The following SAMSN1 variants were observed in gnomAD, a reference collection of about 807,000 sequenced individuals.
The protein encoded by SAMSN1 is SAM domain-containing protein SAMSN-1.
Under a neutral mutation model 42.0 loss-of-function variants are expected in SAMSN1, and 31 were observed. The ratio of observed to expected loss-of-function variants is 0.74; its 90% CI spans 0.55 to 1.00. SAMSN1 has a LOEUF of 1.00. SAMSN1 is among the 50% of genes least tolerant of loss of function. SAMSN1 has a pLI of 0.00. For missense variants in SAMSN1, 464 were observed against 439.4 expected (o/e 1.06, Z -0.50); for synonymous variants, 178 against 151.9 (o/e 1.17, Z -1.26).
At chr21:14,539,799 A>G (rs890646109) in intron 1 of SAMSN1, among the ~76,000 whole-genome samples, 4 of 152,202 alleles carry the variant, frequency 2.6e-5, no homozygotes, top group Admixed American at 2.0e-4. Context: ...ACTACTTTGA[A>G]GTTCATATGC....
At chr21:14,598,901 A>G (rs457188) in intron 6 of SAMSN1, among the ~76,000 whole-genome samples, 88,795 of 152,086 alleles carry the variant, frequency 0.58, 28,360 homozygotes, top group African/African-American at 0.86. Context: ...GATACTATTC[A>G]TTATTTTAAC....
chr21:14,559,016 T>C (rs553820889), intron 2 of SAMSN1, among the ~76,000 whole-genome samples: 55 of 152,234 alleles, frequency 3.6e-4, no homozygotes, highest in South Asian at 1.9e-3. Flanking sequence ...TCCTCACCCA[T>C]TGAAAGAAAT....
chr21:14,630,208 A>G (rs1333114991), intron 2 of SAMSN1, among the ~76,000 whole-genome samples: 1 of 152,180 alleles, frequency 6.6e-6, no homozygotes, highest in African/African-American at 2.4e-5. Flanking sequence ...GAACCCACCC[A>G]CAGCTCAATC....
rs369497412 is a variant in SAMSN1 at position 14,606,336 on chromosome 21, A to G, written c.322+3146T>C. Among the ~76,000 whole-genome samples the G allele has an allele frequency of 7.6e-4, 116 of 152,070 alleles. 1 individual carries two copies. The South Asian group carries it at 8.3e-3, about 11-fold the overall frequency. Reference sequence around the variant, plus strand: ...TTGAAAAATTTCTGAATCTCCAAATATGTTTTGTTTCCTTTTTATTATTTT... The same window carrying G: ...TTGAAAAATTTCTGAATCTCCAAATGTGTTTTGTTTCCTTTTTATTATTTT... On this transcript the variant is annotated intron_variant, in intron 5 of 15. Transcript: ENST00000647101.
At chr21:14,560,823 C>T (rs566234627) in intron 2 of SAMSN1, among the ~76,000 whole-genome samples, 7 of 152,302 alleles carry the variant, frequency 4.6e-5, no homozygotes, top group South Asian at 2.1e-4. Context: ...TTCAGCTCTA[C>T]GCTATTGAGC....
chr21:14,613,452 T>G (rs1250819662), intron 3 of SAMSN1, among the ~76,000 whole-genome samples: 1 of 152,206 alleles, frequency 6.6e-6, no homozygotes, highest in Non-Finnish European at 1.5e-5. Flanking sequence ...TTCATGTGTG[T>G]GGGTGAACAC....
intron 2 of SAMSN1, among the ~76,000 whole-genome samples, chr21:14,636,359 T>G (rs1568839171): frequency 6.6e-6 from 1 of 152,088 alleles, no homozygotes; most frequent in Non-Finnish European, 1.5e-5. Flanking sequence ...CTCTCACTCT[T>G]GTGTACACGT....
intron 6 of SAMSN1, among the ~76,000 whole-genome samples, chr21:14,598,487 G>C (rs1982335527): frequency 1.3e-5 from 2 of 152,150 alleles, no homozygotes; most frequent in South Asian, 4.1e-4. Context: ...ACATTTCTAA[G>C]CAGACTGCTT....
At chr21:14,553,855 G>A (rs180775767) in intron 2 of SAMSN1, among the ~76,000 whole-genome samples, 15 of 151,748 alleles carry the variant, frequency 9.9e-5, no homozygotes, top group African/African-American at 3.6e-4. Context: ...CGAATCTTTG[G>A]TATATCCTAA....
intron 2 of SAMSN1, among the ~76,000 whole-genome samples, chr21:14,624,602 CAA>C (rs763469357): frequency 2.3e-4 from 35 of 152,186 alleles, no homozygotes; most frequent in Admixed American, 1.1e-3. Flanking sequence ...CTGAATAGAC[CAA>C]TCACAGGCTC....
chr21:14,546,764 C>A (rs1177548242), upstream of SAMSN1, among the ~76,000 whole-genome samples: 1 of 151,880 alleles, frequency 6.6e-6, no homozygotes, highest in Non-Finnish European at 1.5e-5. Flanking sequence ...GGCTAGAGTG[C>A]AGTGGCATGA....
intron 2 of SAMSN1, among the ~76,000 whole-genome samples, chr21:14,577,294 T>TTTTTTA (rs1981537809): frequency 8.4e-6 from 1 of 119,744 alleles, no homozygotes. Flanking sequence ...ATTTTTTTTT[T>TTTTTTA]AGAAGAGACA....
At chr21:14,524,059 T>C (rs1249121790) in intron 1 of SAMSN1, among the ~76,000 whole-genome samples, 1 of 152,198 alleles carries the variant, frequency 6.6e-6, no homozygotes. Flanking sequence ...CATTATTCTC[T>C]AGTTTAAAAG....
At chr21:14,490,874 T>C (rs560897205) in intron 7 of SAMSN1, among the ~76,000 whole-genome samples, 43 of 152,276 alleles carry the variant, frequency 2.8e-4, no homozygotes, top group African/African-American at 9.9e-4. Context: ...CCACTTCCAC[T>C]GTGCTAGGAA....
At chr21:14,549,935 A>AAT (rs1271698364), upstream of SAMSN1, among the ~76,000 whole-genome samples, 3 of 152,066 alleles carry the variant, frequency 2.0e-5, no homozygotes, top group East Asian at 5.8e-4. Flanking sequence ...TATCAAAAAA[A>AAT]AAAACTCTTT....
intron 7 of SAMSN1, among the ~76,000 whole-genome samples, chr21:14,497,035 C>T (rs571718214): frequency 1.3e-5 from 2 of 152,268 alleles, no homozygotes; most frequent in East Asian, 3.9e-4. Context: ...TTCCTCCCTC[C>T]TCACTCTCCA....
chr21:14,525,667 T>C (rs1600895072), intron 1 of SAMSN1, among the ~76,000 whole-genome samples: 1 of 152,154 alleles, frequency 6.6e-6, no homozygotes, highest in African/African-American at 2.4e-5. Context: ...GCAGCAAATG[T>C]GCGGCTATGA....
Position 14,624,807 on chromosome 21 carries a change from G to A in SAMSN1, c.157-8791C>T, listed in dbSNP as rs184782551. On this transcript the variant is annotated intron_variant, in intron 2 of 15. Transcript: ENST00000647101. ...CCAGCATCATCCTGATACCAAAGCCGGGAAGAGACACAACCAAAAAAGAGA... is the reference window on the plus strand; with the variant it reads ...CCAGCATCATCCTGATACCAAAGCCAGGAAGAGACACAACCAAAAAAGAGA... Among the ~76,000 whole-genome samples, 12 of 152,142 alleles carry A rather than the reference G, an allele frequency of 7.9e-5. No homozygotes were observed. In the East Asian group the frequency reaches 1.4e-3, roughly 17 times the overall value.
intron 2 of SAMSN1, among the ~76,000 whole-genome samples, chr21:14,553,144 C>A (rs2123181832): frequency 6.6e-6 from 1 of 151,280 alleles, no homozygotes; most frequent in East Asian, 1.9e-4. Flanking sequence ...CTTTTTTTAT[C>A]CTTGAGGATT....
Sources: allele counts gnomAD v4.1 joint callset (sites outside exome capture counted in the v4.1 genomes callset), GRCh38; gene constraint gnomAD v4.1.1; transcripts MANE v1.5; gene names NCBI Gene and HGNC (gene_info 2026-07-23, HGNC 2026-07-21).